CNTNAP2: variants seen among roughly 807,000 people sequenced by gnomAD.
CNTNAP2 encodes contactin associated protein 2.
Under a neutral mutation model 155.2 loss-of-function variants are expected in CNTNAP2, and 98 were observed. The observed-to-expected ratio is 0.63, with a 90% CI of 0.54 to 0.75. The LOEUF (loss-of-function observed/expected upper bound fraction) is 0.75. Ranked by LOEUF, CNTNAP2 falls within the 30% of genes least tolerant of loss-of-function variation. The pLI is 0.00. For missense variants in CNTNAP2, 1,727 were observed against 1,688.1 expected (o/e 1.02, Z -0.40); for synonymous variants, 651 against 631.2 (o/e 1.03, Z -0.47).
At chr7:146,617,364 A>G (rs1218587989) in intron 1 of CNTNAP2, among the ~76,000 whole-genome samples, 2 of 152,146 alleles carry the variant, frequency 1.3e-5, no homozygotes, top group African/African-American at 2.4e-5. Context: ...GAGCCTGTGC[A>G]TTTTTCTGCG....
At chr7:147,495,618 A>T (rs778626514) in intron 11 of CNTNAP2, among the ~76,000 whole-genome samples, 7 of 152,192 alleles carry the variant, frequency 4.6e-5, no homozygotes, top group Non-Finnish European at 7.3e-5. Context: ...TAATACTGTG[A>T]AGAGACTGGT....
intron 8 of CNTNAP2, among the ~76,000 whole-genome samples, chr7:147,223,939 CAAA>C (rs571724956): frequency 4.4e-5 from 2 of 45,806 alleles, no homozygotes; most frequent in Non-Finnish European, 4.8e-5. Context: ...GACTCAATCT[CAAA>C]AAAAAAAAAA....
At chr7:146,928,590 C>T (rs1796664179) in intron 3 of CNTNAP2, among the ~76,000 whole-genome samples, 1 of 152,160 alleles carries the variant, frequency 6.6e-6, no homozygotes, top group African/African-American at 2.4e-5. Context: ...GGGTGCAGGA[C>T]AGTGGGTGCA....
intron 1 of CNTNAP2, among the ~76,000 whole-genome samples, chr7:146,135,964 C>T (rs1797791303): frequency 1.3e-5 from 2 of 152,088 alleles, no homozygotes; most frequent in Non-Finnish European, 2.9e-5. Context: ...TGTGTGCATA[C>T]TCCTTTTTAT....
chr7:148,102,431 A>C (rs1563200136), intron 15 of CNTNAP2, among the ~76,000 whole-genome samples: 1 of 152,176 alleles, frequency 6.6e-6, no homozygotes, highest in Non-Finnish European at 1.5e-5. Flanking sequence ...CCTGTGATGC[A>C]CATTTGTGTG....
At chr7:146,623,241 T>G (rs909388433) in intron 1 of CNTNAP2, among the ~76,000 whole-genome samples, 1 of 152,182 alleles carries the variant, frequency 6.6e-6, no homozygotes, top group African/African-American at 2.4e-5. Context: ...GATTATTTTT[T>G]TCACATTCTG....
chr7:146,504,065 C>T (rs758281877), intron 1 of CNTNAP2, among the ~76,000 whole-genome samples: 11 of 152,326 alleles, frequency 7.2e-5, no homozygotes, highest in Admixed American at 2.0e-4. Flanking sequence ...CGGAATTGTG[C>T]GCCTGCACTA....
chr7:146,373,602 T>G (rs1412425449), intron 1 of CNTNAP2, among the ~76,000 whole-genome samples: 2 of 152,034 alleles, frequency 1.3e-5, no homozygotes, highest in Non-Finnish European at 2.9e-5. Flanking sequence ...TATGAAGCAG[T>G]ATAAACTCAA....
rs186740728 is a variant in CNTNAP2, at chr7:148,149,762, G to A, written c.2773+2053G>A. On this transcript the variant is annotated intron_variant, in intron 17 of 23. Transcript: ENST00000361727. ...AGAAGGGGTTTCACCATGTTGGCCA[G>A]GCTGGTCTCAAACTCCTGACCTCAG... Among the ~76,000 whole-genome samples the A allele has an allele frequency of 3.3e-3, 504 of 152,128 alleles. 3 individuals are homozygous for A. The highest frequency in any genetic ancestry group is 0.011 in the African/African-American group (470 of 41,508).
Position 146,733,477 on chromosome 7 carries a change from A to G in CNTNAP2, c.98-40794A>G, listed in dbSNP as rs528443941. The stretch of plus-strand genomic sequence containing the variant: ...AAATTCATTTTAAAATTTAAATTTT[A>G]AACCATGTTTTAAAAAATCTAACTT... On this transcript the variant is annotated intron_variant, in intron 1 of 23. Coordinates refer to ENST00000361727, the MANE Select transcript of CNTNAP2 (RefSeq NM_014141.6). 5.9e-5 allele frequency among the ~76,000 whole-genome samples: 9 copies of G among 152,270 alleles called. No individual in the cohort carries two copies. In the South Asian group the frequency reaches 1.9e-3, roughly 31 times the overall value.
At chr7:146,122,201 C>G (rs1020847660) in intron 1 of CNTNAP2, among the ~76,000 whole-genome samples, 1 of 152,154 alleles carries the variant, frequency 6.6e-6, no homozygotes, top group African/African-American at 2.4e-5. Context: ...TTTCTCCTTC[C>G]AGGCTGCCTG....
At chr7:146,270,534 G>A (rs1322563756) in intron 1 of CNTNAP2, among the ~76,000 whole-genome samples, 3 of 152,022 alleles carry the variant, frequency 2.0e-5, no homozygotes, top group Non-Finnish European at 4.4e-5. Context: ...ATCAATAATA[G>A]TAATATTGTT....
intron 1 of CNTNAP2, among the ~76,000 whole-genome samples, chr7:146,544,443 T>G (rs532283796): frequency 6.6e-6 from 1 of 152,118 alleles, no homozygotes. Flanking sequence ...ATATCCAGCC[T>G]AAAACAGTTG....
chr7:147,655,734 A>C (rs1309279744), intron 13 of CNTNAP2, among the ~76,000 whole-genome samples: 2 of 152,178 alleles, frequency 1.3e-5, no homozygotes, highest in Non-Finnish European at 2.9e-5. Flanking sequence ...CAGAACTCTT[A>C]AGGATCCTAG....
At chr7:146,445,418 A>G (rs1436525126) in intron 1 of CNTNAP2, among the ~76,000 whole-genome samples, 1 of 152,174 alleles carries the variant, frequency 6.6e-6, no homozygotes, top group Non-Finnish European at 1.5e-5. Context: ...TATCTTTGAA[A>G]CAGAATACCT....
chr7:146,376,874 C>G (rs1795311172), intron 1 of CNTNAP2, among the ~76,000 whole-genome samples: 1 of 152,032 alleles, frequency 6.6e-6, no homozygotes, highest in African/African-American at 2.4e-5. Context: ...GCCTTTTCCA[C>G]CATGTCAGGA....
At chr7:146,474,262 ATATT>A (rs1285852896) in intron 1 of CNTNAP2, among the ~76,000 whole-genome samples, 1 of 149,196 alleles carries the variant, frequency 6.7e-6, no homozygotes, top group Non-Finnish European at 1.5e-5. Flanking sequence ...TTGTTTCTGA[ATATT>A]TATATATATA....
chr7:148,128,232 T>G (rs949646143), intron 16 of CNTNAP2, among the ~76,000 whole-genome samples: 1 of 152,202 alleles, frequency 6.6e-6, no homozygotes, highest in African/African-American at 2.4e-5. Context: ...TAGGAAGAAT[T>G]TTAGTGTTTC....
chr7:146,352,699 A>G (rs377662147), intron 1 of CNTNAP2, among the ~76,000 whole-genome samples: 1 of 147,492 alleles, frequency 6.8e-6, no homozygotes, highest in South Asian at 2.1e-4. Flanking sequence ...TGAGGTAAAA[A>G]AAAATGAAAT....
Sources: gnomAD v4.1 joint callset for allele counts (sites outside exome capture counted in the v4.1 genomes callset) on GRCh38, gnomAD v4.1.1 for gene constraint, MANE v1.5 for transcripts, NCBI Gene and HGNC (gene_info 2026-07-23, HGNC 2026-07-21) for gene names.